Variants in PTPRN2 observed in about 807,000 individuals in gnomAD.
PTPRN2 encodes the protein protein tyrosine phosphatase receptor type N2.
PTPRN2 carries 74 observed loss-of-function variants against 118.8 expected under a neutral mutation model. The ratio of observed to expected loss-of-function variants is 0.62; its 90% CI spans 0.52 to 0.76. PTPRN2 has a LOEUF of 0.76. Ranked by LOEUF, PTPRN2 falls within the 30% of genes least tolerant of loss-of-function variation. PTPRN2 has a pLI of 0.00. For missense variants in PTPRN2, 1,481 were observed against 1,394.4 expected (o/e 1.06, Z -0.99); for synonymous variants, 641 against 608.0 (o/e 1.05, Z -0.80).
Position 157,568,953 on chromosome 7 carries a change from G to T in PTPRN2, c.2851C>A (p.Arg951=). The change falls in exon 21 of 23, where the codon CGG becomes AGG. Residue 951 remains arginine, a synonymous_variant. Transcript: ENST00000389418. ...TCGATCAGGACGTAGGTGCCGCTCCGGCCTGCACCGTCACTGCCAACAGAA... is the reference window on the plus strand; with the variant it reads ...TCGATCAGGACGTAGGTGCCGCTCCTGCCTGCACCGTCACTGCCAACAGAA... ...IIVHCSDGAG[R]SGTYVLIDMV... is the part of the protein sequence containing the mutation. 6.4e-7 allele frequency: 1 copy of T among 1,574,486 alleles called. No individual in the cohort carries two copies.
Position 158,525,773 on chromosome 7 carries a change from C to T in PTPRN2, c.113-35988G>A, listed in dbSNP as rs575293610. Among the ~76,000 whole-genome samples, 2 of 152,304 alleles carry T rather than the reference C, an allele frequency of 1.3e-5. No individual in the cohort carries two copies. The highest frequency in any genetic ancestry group is 2.1e-4 in the South Asian group (1 of 4,830). On this transcript the variant is annotated intron_variant, in intron 1 of 22. Coordinates refer to ENST00000389418, the MANE Select transcript of PTPRN2 (RefSeq NM_002847.5). This position sits in a 1 kb window ranked among gnomAD's most constrained non-coding sequence, Gnocchi z 4.1. ...GGACATCTCTGCTGGTCTCTCTCCA[C>T]GGCACCTGCTCCACAGCCACCTCTC...
intron 5 of PTPRN2, among the ~76,000 whole-genome samples, chr7:158,191,873 G>A (rs1248557483): frequency 6.6e-6 from 1 of 152,088 alleles, no homozygotes; most frequent in African/African-American, 2.4e-5. Flanking sequence ...GCTTGCCGGG[G>A]AGCAGGAGCT....
chr7:158,143,660 G>C (rs998459139), intron 6 of PTPRN2, among the ~76,000 whole-genome samples: 1 of 152,126 alleles, frequency 6.6e-6, no homozygotes, highest in Non-Finnish European at 1.5e-5. Context: ...CAGGTGAGTG[G>C]GGCAGGAGGG....
rs757945026 is a variant in PTPRN2, at chr7:158,489,729, A to T, written c.163+6T>A. The T allele has an allele frequency of 4.4e-6, 7 of 1,577,260 alleles. No individual in the cohort carries two copies. In the South Asian group the frequency reaches 8.1e-5, roughly 18 times the overall value. ...CAGGGCGCAGCAGCCAGGACCCCACACTCACCGTTCACACAGGCCTCGGAC... is the reference window on the plus strand; with the variant it reads ...CAGGGCGCAGCAGCCAGGACCCCACTCTCACCGTTCACACAGGCCTCGGAC... On this transcript the variant is annotated splice_donor_region_variant and intron_variant, in intron 2 of 22. Coordinates refer to ENST00000389418, the MANE Select transcript of PTPRN2 (RefSeq NM_002847.5).
At chr7:158,263,065 ACACACACAT>A (rs1421302711) in intron 3 of PTPRN2, among the ~76,000 whole-genome samples, 9 of 149,094 alleles carry the variant, frequency 6.0e-5, no homozygotes, top group Admixed American at 5.3e-4. Flanking sequence ...TTCACATTGC[ACACACACAT>A]CACACACACC....
chr7:158,549,340 G>A (rs963493144), intron 1 of PTPRN2, among the ~76,000 whole-genome samples: 1 of 152,322 alleles, frequency 6.6e-6, no homozygotes, highest in Non-Finnish European at 1.5e-5. Context: ...TGGACGCCGT[G>A]CCCTGCCTCC....
intron 12 of PTPRN2, among the ~76,000 whole-genome samples, chr7:157,884,459 C>G (rs1343015709): frequency 6.6e-6 from 1 of 152,230 alleles, no homozygotes; most frequent in Non-Finnish European, 1.5e-5. Flanking sequence ...ATGCAGAGGG[C>G]TCGACTGAGG....
At chr7:157,642,583 T>C (rs1202341722) in intron 14 of PTPRN2, among the ~76,000 whole-genome samples, 3 of 152,136 alleles carry the variant, frequency 2.0e-5, no homozygotes, top group African/African-American at 7.2e-5. Flanking sequence ...CGTCCGTCAC[T>C]GGGTGCTCAG....
At chr7:157,781,906 G>GGGGTA (rs1803702505) in intron 12 of PTPRN2, among the ~76,000 whole-genome samples, 2 of 152,226 alleles carry the variant, frequency 1.3e-5, no homozygotes, top group African/African-American at 4.8e-5. Flanking sequence ...TTTCAGGGGT[G>GGGGTA]GATGTGAAAT....
rs982584762 is a variant in PTPRN2 at position 157,874,539 on chromosome 7, G to A, written c.1788+24134C>T. 2.0e-5 allele frequency among the ~76,000 whole-genome samples: 3 copies of A among 152,182 alleles called. No homozygotes were observed. Among genetic ancestry groups the A allele is most frequent in the Admixed American group, 6.5e-5 (1 of 15,286 alleles). ...TAACTCGAGCTTTTATTTCAGTGAA[G>A]CTTCGGGGTCACCTGCACGGCCTCT... On this transcript the variant is annotated intron_variant, in intron 12 of 22. Transcript: ENST00000389418. This position sits in a 1 kb window ranked among gnomAD's most constrained non-coding sequence, Gnocchi z 5.8.
chr7:158,222,363 G>T (rs984230397), intron 3 of PTPRN2, among the ~76,000 whole-genome samples: 1 of 152,032 alleles, frequency 6.6e-6, no homozygotes. Context: ...AGAAAATACG[G>T]TACACATACA....
At chr7:158,522,231 CA>C (rs1409600909) in intron 1 of PTPRN2, among the ~76,000 whole-genome samples, 6 of 70,734 alleles carry the variant, frequency 8.5e-5, no homozygotes, top group South Asian at 6.6e-4. Flanking sequence ...GGTAGTGGCT[CA>C]GGAGGGAGGT....
intron 12 of PTPRN2, among the ~76,000 whole-genome samples, chr7:157,689,971 T>C (rs1051164126): frequency 6.6e-6 from 1 of 152,170 alleles, no homozygotes; most frequent in Non-Finnish European, 1.5e-5. Flanking sequence ...CGCCTCTCCA[T>C]CCTGGCTGCT....
chr7:158,319,815 TCACACACAC>T (rs1802774470), intron 2 of PTPRN2, among the ~76,000 whole-genome samples: 1 of 5,830 alleles, frequency 1.7e-4, no homozygotes, highest in African/African-American at 1.7e-3. Flanking sequence ...ACAGCCTCCC[TCACACACAC>T]TCAGTCTCCC....
chr7:158,341,679 G>C (rs1295695229), intron 2 of PTPRN2, among the ~76,000 whole-genome samples: 2 of 114,038 alleles, frequency 1.8e-5, no homozygotes, highest in Non-Finnish European at 1.8e-5. Context: ...CATAAGAGCT[G>C]TCGCCCGCAG....
At chr7:158,060,456 G>A (rs61099478) in intron 11 of PTPRN2, among the ~76,000 whole-genome samples, 12,428 of 151,916 alleles carry the variant, frequency 0.082, 1,202 homozygotes, top group African/African-American at 0.24. Flanking sequence ...GCACCTCTCC[G>A]TCTCTGTCTG....
chr7:157,569,084 G>T, intron 20 of PTPRN2, 118 bp from the exon 21 acceptor site: 2 of 1,005,504 alleles, frequency 2.0e-6, no homozygotes, highest in Non-Finnish European at 3.1e-6. Flanking sequence ...AGGAAAGGAT[G>T]GCGGATGTGA....
At chr7:157,811,860 T>C (rs777467920) in intron 12 of PTPRN2, among the ~76,000 whole-genome samples, 13 of 152,110 alleles carry the variant, frequency 8.5e-5, no homozygotes, top group Non-Finnish European at 1.5e-4. Flanking sequence ...GAGGCTGTTT[T>C]ATACATTTTG....
chr7:157,612,904 C>A (rs889529459), intron 15 of PTPRN2, among the ~76,000 whole-genome samples: 1 of 152,170 alleles, frequency 6.6e-6, no homozygotes, highest in Non-Finnish European at 1.5e-5. Flanking sequence ...CAGGGCAGGG[C>A]CCCCCACACC....
Sources: gnomAD v4.1 joint callset for allele counts (sites outside exome capture counted in the v4.1 genomes callset) on GRCh38, gnomAD v4.1.1 for gene constraint, Gnocchi (gnomAD v3.1) non-coding constraint, MANE v1.5 for transcripts, NCBI Gene and HGNC (gene_info 2026-07-23, HGNC 2026-07-21) for gene names.